TAF4B: variants seen among roughly 807,000 people sequenced by gnomAD.
TAF4B encodes TATA-box binding protein associated factor 4b.
TAF4B carries 38 observed loss-of-function variants against 86.4 expected under a neutral mutation model. The observed-to-expected ratio is 0.44, with a 90% confidence interval of 0.34 to 0.58. TAF4B has a LOEUF of 0.58. Among genes scored for constraint, TAF4B ranks in the 20% least tolerant of loss-of-function variants. The pLI is 0.02. For synonymous variants in TAF4B, 388 were observed against 391.2 expected (o/e 0.99, Z 0.10); for missense variants, 988 against 1,027.6 (o/e 0.96, Z 0.53).
intron 13 of TAF4B, among the ~76,000 whole-genome samples, chr18:26,338,561 C>T (rs2057111928): frequency 6.8e-6 from 1 of 148,104 alleles, no homozygotes; most frequent in South Asian, 2.2e-4. Context: ...TCACTGCAAC[C>T]TCTGCCTCCC....
Position 26,355,286 on chromosome 18 carries a change from A to G in TAF4B, c.2317-2404A>G, listed in dbSNP as rs563325277. Among the ~76,000 whole-genome samples, 546 of 152,248 alleles carry G rather than the reference A, an allele frequency of 3.6e-3. 2 individuals are homozygous for G. The highest frequency in any genetic ancestry group is 0.012 in the African/African-American group (509 of 41,546). On this transcript the variant is annotated intron_variant, in intron 13 of 14. Coordinates refer to ENST00000269142, the MANE Select transcript of TAF4B (RefSeq NM_005640.3). ...TCTTAGGAGGATTTTTTTTATATAT[A>G]GATAACTTGGGGTTTTCTGCACAGA...
chr18:26,346,873 A>ATGTGTG (rs1205361383), intron 13 of TAF4B, among the ~76,000 whole-genome samples: 1 of 12,302 alleles, frequency 8.1e-5, no homozygotes, highest in Non-Finnish European at 1.8e-4. Flanking sequence ...ATATATATAT[A>ATGTGTG]TGTGTATATA....
chr18:26,282,222 T>G (rs1220138061), intron 6 of TAF4B, among the ~76,000 whole-genome samples, 162 bp downstream of exon 6: 1 of 152,176 alleles, frequency 6.6e-6, no homozygotes, highest in East Asian at 1.9e-4. Context: ...GTTCATAATA[T>G]TATTTTAATT....
intron 1 of TAF4B, among the ~76,000 whole-genome samples, chr18:26,253,410 G>A (rs1354326677): frequency 6.6e-6 from 1 of 152,142 alleles, no homozygotes; most frequent in Non-Finnish European, 1.5e-5. Flanking sequence ...AACCACCCTT[G>A]TATTCTTGAG....
chr18:26,235,579 G>C (rs571501373), intron 1 of TAF4B, among the ~76,000 whole-genome samples: 25 of 152,286 alleles, frequency 1.6e-4, no homozygotes, highest in African/African-American at 6.0e-4. Flanking sequence ...GCCTGGACTT[G>C]AGAAGTGGCC....
chr18:26,266,154 C>T (rs1219274199), intron 2 of TAF4B: 1 of 151,882 alleles, frequency 6.6e-6, no homozygotes, highest in Non-Finnish European at 1.5e-5. Context: ...CTCTTGTTAC[C>T]CAGGCTGGAG....
intron 1 of TAF4B, among the ~76,000 whole-genome samples, chr18:26,228,452 T>G (rs1258744175): frequency 6.6e-6 from 1 of 152,222 alleles, no homozygotes; most frequent in Non-Finnish European, 1.5e-5. Context: ...AAGGCACTGT[T>G]ACGGCAGTGT....
intron 14 of TAF4B, among the ~76,000 whole-genome samples, chr18:26,385,368 AACTT>A (rs773811952): frequency 6.6e-6 from 1 of 152,224 alleles, no homozygotes; most frequent in African/African-American, 2.4e-5. Context: ...AAAAACAAGA[AACTT>A]AGTTCAGTGG....
At chr18:26,324,872 G>C (rs148379983) in intron 11 of TAF4B, among the ~76,000 whole-genome samples, 86 of 152,244 alleles carry the variant, frequency 5.6e-4, no homozygotes, top group Middle Eastern at 3.4e-3. Flanking sequence ...TGTAGACTTT[G>C]TTTGTAATAA....
At position 26,370,098 on chromosome 18, in the gene TAF4B, A is replaced by G. The variant is rs115369914; in HGVS notation, c.2421+12304A>G. ...TACCACAGAACATTTTAGTGACAAT[A>G]ATAATGAGATAGATTGGTTCCTTCA... On this transcript the variant is annotated intron_variant, in intron 14 of 14. Transcript: ENST00000269142. Among the ~76,000 whole-genome samples the G allele has an allele frequency of 1.4e-3, 210 of 152,334 alleles. 2 individuals are homozygous for G. Among genetic ancestry groups the G allele is most frequent in the African/African-American group, 5.0e-3 (206 of 41,584 alleles).
intron 14 of TAF4B, among the ~76,000 whole-genome samples, chr18:26,367,033 G>A (rs2057376471): frequency 6.6e-6 from 1 of 152,264 alleles, no homozygotes; most frequent in South Asian, 2.1e-4. Flanking sequence ...CCAAGTACAT[G>A]TCCAAAGAAA....
intron 5 of TAF4B, among the ~76,000 whole-genome samples, chr18:26,276,177 C>T (rs965198669): frequency 6.6e-6 from 1 of 152,092 alleles, no homozygotes; most frequent in Non-Finnish European, 1.5e-5. Context: ...CTTTCCTTAT[C>T]TATAAGATTC....
rs1171773933 is a variant in TAF4B at position 26,346,907 on chromosome 18, G to GTGTATATATATATATATATA, written c.2317-10782_2317-10781insGTATATATATATATATATAT. Among the ~76,000 whole-genome samples the GTGTATATATATATATATATA allele has an allele frequency of 2.7e-3, 30 of 11,216 alleles. 1 individual carries two copies. Among genetic ancestry groups the GTGTATATATATATATATATA allele is most frequent in the Non-Finnish European group, 5.1e-3 (20 of 3,902 alleles). 7.4% of individuals were successfully genotyped at this position (11,216 alleles called of 152,430 possible). On this transcript the variant is annotated intron_variant, in intron 13 of 14. Transcript: ENST00000269142. ...TATATATATATATATATATGTGTGT[G>GTGTATATATATATATATATA]TATATATATATATATAGTTTTTTGT... is the stretch of plus-strand genomic sequence containing the variant.
At chr18:26,238,820 A>G (rs928475261) in intron 1 of TAF4B, among the ~76,000 whole-genome samples, 1 of 152,042 alleles carries the variant, frequency 6.6e-6, no homozygotes, top group African/African-American at 2.4e-5. Flanking sequence ...ATTCTCACCT[A>G]TGAGATAGAA....
chr18:26,238,135 G>A lies in TAF4B; in HGVS notation c.343+10859G>A, dbSNP rs59238601. On this transcript the variant is annotated intron_variant, in intron 1 of 14. Transcript: ENST00000269142. Reference sequence around the variant, plus strand: ...ACCTGTACCTTTGCCTTTCCTCTTAGCTCACAAAGAGGACCAAGAAAAATC... The same window carrying A: ...ACCTGTACCTTTGCCTTTCCTCTTAACTCACAAAGAGGACCAAGAAAAATC... Among the ~76,000 whole-genome samples the A allele has an allele frequency of 9.6e-3, 1,468 of 152,244 alleles. 11 individuals carry two copies. Among genetic ancestry groups the A allele is most frequent in the African/African-American group, 0.033 (1,363 of 41,524 alleles).
At position 26,260,778 on chromosome 18, in the gene TAF4B, G is replaced by GT. The variant is rs1332326342; in HGVS notation, c.344-4386dup. On this transcript the variant is annotated intron_variant, in intron 1 of 14. Transcript: ENST00000269142. ...TTGTTACTGTAATGACAGAAGTTCCGTTTTTTAAAAATAATATCTATCTCT... is the reference window on the plus strand; with the variant it reads ...TTGTTACTGTAATGACAGAAGTTCCGTTTTTTTAAAAATAATATCTATCTCT... 3.9e-5 allele frequency among the ~76,000 whole-genome samples: 6 copies of GT among 152,112 alleles called. No homozygotes were observed. In the East Asian group the frequency reaches 7.7e-4, roughly 20 times the overall value.
intron 1 of TAF4B, among the ~76,000 whole-genome samples, chr18:26,231,357 T>G (rs1278934647): frequency 3.6e-5 from 5 of 137,242 alleles, no homozygotes; most frequent in East Asian, 2.1e-4. Context: ...TTTTTTTTTT[T>G]TTTTTTTTTT....
At chr18:26,330,860 ATC>A (rs1461269030) in intron 12 of TAF4B, among the ~76,000 whole-genome samples, 7 of 152,106 alleles carry the variant, frequency 4.6e-5, no homozygotes, top group Admixed American at 1.3e-4. Flanking sequence ...AATGTAACTA[ATC>A]TCTCAACTAG....
rs2056519395 is a variant in TAF4B, at chr18:26,286,156, G to A, written c.1247G>A (p.Gly416Asp). The change falls in exon 7 of 15, where the codon GGC becomes GAC. Residue 416 changes from glycine to aspartate, a missense_variant. Gly to Asp is a moderately conservative substitution (Grantham distance 94, BLOSUM62 -1). Transcript: ENST00000269142. ...KAGVVTLHSV[G>D]PTAATGGTTA... ...GGAGTTGTGACACTTCATTCTGTGG[G>A]CCCAACTGCTGCAACAGGAGGAACA... 1 of 1,614,040 alleles carries A rather than the reference G, an allele frequency of 6.2e-7. No individual in the cohort carries two copies. The highest frequency in any genetic ancestry group is 1.3e-5 in the African/African-American group (1 of 74,920).
Sources: allele counts gnomAD v4.1 joint callset (sites outside exome capture counted in the v4.1 genomes callset), GRCh38; gene constraint gnomAD v4.1.1; transcripts MANE v1.5; gene names NCBI Gene and HGNC (gene_info 2026-07-23, HGNC 2026-07-21).